The following GRIK1 variants were observed in gnomAD, a reference collection of about 807,000 sequenced individuals.
The protein encoded by GRIK1 is glutamate receptor ionotropic, kainate 1.
Under a neutral mutation model 105.7 loss-of-function variants are expected in GRIK1, and 69 were observed. That is an observed-to-expected ratio of 0.65 (90% CI 0.54 to 0.80). The LOEUF is 0.80. GRIK1 is among the 30% of genes least tolerant of loss of function. The pLI, the probability that GRIK1 is intolerant of heterozygous loss-of-function variation, is 0.00. For synonymous variants in GRIK1, 438 were observed against 431.3 expected, an observed-to-expected ratio of 1.02 and a Z score of -0.19; for missense variants, 1,109 against 1,167.3, an observed-to-expected ratio of 0.95 and a Z score of 0.73.
chr21:29,595,231 C>A (rs918637825), intron 9 of GRIK1, among the ~76,000 whole-genome samples: 2 of 151,948 alleles, frequency 1.3e-5, no homozygotes, highest in Non-Finnish European at 1.5e-5. Flanking sequence ...AAATAGAGGA[C>A]ATCCCCCCTC....
chr21:29,769,623 T>C (rs548306290), intron 1 of GRIK1, among the ~76,000 whole-genome samples: 4 of 152,052 alleles, frequency 2.6e-5, no homozygotes, highest in Non-Finnish European at 5.9e-5. Context: ...GTGGTAATGC[T>C]CACTTACCCG....
intron 1 of GRIK1, among the ~76,000 whole-genome samples, chr21:29,913,891 A>C (rs2146301971): frequency 6.6e-6 from 1 of 152,082 alleles, no homozygotes; most frequent in Admixed American, 6.6e-5. Flanking sequence ...AAATGAAAAT[A>C]CATATTCAGT....
At position 29,781,657 on chromosome 21, in the gene GRIK1, C is replaced by CTTTTTTTTT. The variant is rs71191125; in HGVS notation, c.119-87603_119-87595dup. ...TACATGTGCACCTAACCTACTGTTTCTTTTTTTTTTTTTTTTTTTTTTTTG... is the reference window on the plus strand; with the variant it reads ...TACATGTGCACCTAACCTACTGTTTCTTTTTTTTTTTTTTTTTTTTTTTTTTTTTTTTTG... On this transcript the variant is annotated intron_variant, in intron 1 of 17. Transcript: ENST00000327783. Among the ~76,000 whole-genome samples, 104 of 69,286 alleles carry CTTTTTTTTT rather than the reference C, an allele frequency of 1.5e-3. 3 individuals carry two copies. The highest frequency in any genetic ancestry group is 2.0e-3 in the Non-Finnish European group (78 of 39,242). 45.5% of individuals were successfully genotyped at this position (69,286 alleles called of 152,430 possible).
At chr21:29,553,594 C>T (rs747493983) in intron 16 of GRIK1, 1 of 1,604,804 alleles carries the variant, frequency 6.2e-7, no homozygotes, top group African/African-American at 1.4e-5. Context: ...GAATCCCTCT[C>T]TCCTCTCGAA....
At position 29,791,509 on chromosome 21, in the gene GRIK1, T is replaced by TGG. The variant is rs554227421; in HGVS notation, c.119-97448_119-97447dup. On this transcript the variant is annotated intron_variant, in intron 1 of 17. Coordinates refer to ENST00000327783, the MANE Select transcript of GRIK1 (RefSeq NM_001330994.2). ...CAAAGAAGAAGAAGGAGAAGGGAAGTGGGGGGGGAATTTAAATAGTATAGT... is the reference window on the plus strand; with the variant it reads ...CAAAGAAGAAGAAGGAGAAGGGAAGTGGGGGGGGGGAATTTAAATAGTATAGT... 1.3e-5 allele frequency among the ~76,000 whole-genome samples: 2 copies of TGG among 149,844 alleles called. 1 individual carries two copies. Among genetic ancestry groups the TGG allele is most frequent in the African/African-American group, 4.9e-5 (2 of 40,512 alleles).
At chr21:29,789,277 T>C (rs1429030935) in intron 1 of GRIK1, among the ~76,000 whole-genome samples, 3 of 152,210 alleles carry the variant, frequency 2.0e-5, no homozygotes, top group African/African-American at 7.2e-5. Flanking sequence ...CTTTGTCTCA[T>C]ACACGATTAG....
chr21:29,837,254 G>A (rs1441472978), intron 1 of GRIK1, among the ~76,000 whole-genome samples: 3 of 152,108 alleles, frequency 2.0e-5, no homozygotes, highest in Non-Finnish European at 4.4e-5. Context: ...CAATGATCTT[G>A]TGTTTCCTGA....
chr21:29,882,426 A>C (rs1215787702), intron 1 of GRIK1, among the ~76,000 whole-genome samples: 2 of 152,036 alleles, frequency 1.3e-5, no homozygotes, highest in African/African-American at 4.8e-5. Flanking sequence ...AAATGGTTCT[A>C]GTGGTAGAAA....
chr21:29,803,487 T>A (rs1489657506), intron 1 of GRIK1, among the ~76,000 whole-genome samples: 1 of 152,208 alleles, frequency 6.6e-6, no homozygotes, highest in African/African-American at 2.4e-5. Flanking sequence ...GAGAATGCCA[T>A]GTGTTGTGTT....
At chr21:29,764,938 A>G (rs1389479476) in intron 1 of GRIK1, among the ~76,000 whole-genome samples, 1 of 152,214 alleles carries the variant, frequency 6.6e-6, no homozygotes, top group East Asian at 1.9e-4. Flanking sequence ...CAATTCCCAG[A>G]CTATTTATAA....
At chr21:29,673,277 C>T (rs954449923) in intron 3 of GRIK1, 113 bp from the exon 4 acceptor site, 2 of 625,180 alleles carry the variant, frequency 3.2e-6, no homozygotes, top group East Asian at 2.8e-5. Flanking sequence ...GGCCACCTTC[C>T]TAAAGGTTAC....
chr21:29,591,280 C>G (rs1484042720), intron 9 of GRIK1, 55 bp from the exon 10 acceptor site: 1 of 981,876 alleles, frequency 1.0e-6, no homozygotes, highest in Non-Finnish European at 1.7e-6. Context: ...GCATTTACAC[C>G]AAAGAGAGGC....
At chr21:29,930,225 G>T (rs996369699) in intron 1 of GRIK1, among the ~76,000 whole-genome samples, 3 of 152,124 alleles carry the variant, frequency 2.0e-5, no homozygotes, top group Admixed American at 1.3e-4. Flanking sequence ...TAGATTTGAA[G>T]AATGGCTCTA....
chr21:29,682,837 A>T (rs2063405953), intron 3 of GRIK1, among the ~76,000 whole-genome samples: 1 of 152,208 alleles, frequency 6.6e-6, no homozygotes, highest in Non-Finnish European at 1.5e-5. Context: ...TCAACAGAGT[A>T]AACAGACAAC....
chr21:29,814,531 G>C (rs545955688), intron 1 of GRIK1, among the ~76,000 whole-genome samples: 2 of 151,992 alleles, frequency 1.3e-5, no homozygotes. Context: ...GATGCCCAAA[G>C]TTCACTAGGA....
intron 7 of GRIK1, among the ~76,000 whole-genome samples, chr21:29,634,262 A>G (rs1178285623): frequency 6.6e-6 from 1 of 152,248 alleles, no homozygotes. Context: ...AGGTTTATAT[A>G]TTCAAATGTA....
At chr21:29,938,667 A>G (rs2071860545) in intron 1 of GRIK1, among the ~76,000 whole-genome samples, 1 of 152,076 alleles carries the variant, frequency 6.6e-6, no homozygotes, top group South Asian at 2.1e-4. Context: ...CTGGACTGGG[A>G]ACTGGATCTT....
At chr21:29,716,553 C>T (rs755039690) in intron 1 of GRIK1, among the ~76,000 whole-genome samples, 46 of 152,086 alleles carry the variant, frequency 3.0e-4, no homozygotes, top group Admixed American at 4.6e-4. Flanking sequence ...AGTGGAGATG[C>T]GGAACTTCTT....
chr21:29,870,864 T>C (rs1398062487), intron 1 of GRIK1, among the ~76,000 whole-genome samples: 1 of 152,106 alleles, frequency 6.6e-6, no homozygotes, highest in Non-Finnish European at 1.5e-5. Context: ...GGCTCACGGT[T>C]AAATGCCTTT....
Sources: allele counts gnomAD v4.1 joint callset (sites outside exome capture counted in the v4.1 genomes callset), GRCh38; gene constraint gnomAD v4.1.1; transcripts MANE v1.5; gene names NCBI Gene and HGNC (gene_info 2026-07-23, HGNC 2026-07-21).